The following ILK variants were observed in gnomAD, a reference collection of about 807,000 sequenced individuals.
The protein encoded by ILK is scaffold protein ILK.
ILK carries 37 observed loss-of-function variants against 57.8 expected under a neutral mutation model. The observed-to-expected ratio is 0.64, with a 90% CI of 0.49 to 0.84. The LOEUF (loss-of-function observed/expected upper bound fraction) is 0.84, where lower values mean the gene tolerates loss of function less well. Among genes scored for constraint, ILK ranks in the 40% least tolerant of loss-of-function variants. ILK has a pLI of 0.00. For synonymous variants in ILK, 231 were observed against 202.2 expected (o/e 1.14, Z -1.21); for missense variants, 528 against 595.7 (o/e 0.89, Z 1.18).
rs531302822 is a variant in ILK, at chr11:6,606,666, A to G, written c.90-1380A>G. 3.9e-5 allele frequency: 6 copies of G among 152,376 alleles called. No homozygotes were observed. The East Asian group carries it at 1.2e-3, about 29-fold the overall frequency. The allele number at this position is 152,376 out of a possible 1,614,324, so 9.4% of individuals were successfully genotyped here. ...GTGGTGCTGGTTTGAGGAGTAAAGT[A>G]TGGGGGCCAAAGTTGGCTATATGCT... On this transcript the variant is annotated intron_variant, in intron 2 of 12. Transcript: ENST00000299421.
chr11:6,604,281 A>G lies in ILK; in HGVS notation c.10A>G (p.Ile4Val), dbSNP rs775806437. 1.2e-6 allele frequency: 2 copies of G among 1,612,244 alleles called. No homozygotes were observed. Among genetic ancestry groups the G allele is most frequent in the Non-Finnish European group, 1.7e-6 (2 of 1,179,620 alleles). MDD[I>V]FTQCREGNAV... ...GCGCCGGGACGCTGCTATGGACGAC[A>G]TTTTCACTCAGTGCCGGGAGGGCAA... The change falls in exon 2 of 13, where the codon ATT becomes GTT. Residue 4 changes from isoleucine to valine, a missense_variant. By Grantham distance (29) the Ile-to-Val change is conservative. Transcript: ENST00000299421.
Position 6,609,179 on chromosome 11 carries a change from T to C in ILK, c.618+23T>C, listed in dbSNP as rs11826498. 376,277 of 1,606,824 alleles carry C rather than the reference T, an allele frequency of 0.23. 46,881 individuals carry two copies. The highest frequency in any genetic ancestry group is 0.26 in the Non-Finnish European group (302,493 of 1,173,506). On this transcript the variant is annotated intron_variant, in intron 7 of 12. Coordinates refer to ENST00000299421, the MANE Select transcript of ILK (RefSeq NM_004517.4). ...GAGGTGACCCCTGCCCTTCTTGCCCTTCCCTCACTAAACCCCCATAAATTA... is the reference window on the plus strand; with the variant it reads ...GAGGTGACCCCTGCCCTTCTTGCCCCTCCCTCACTAAACCCCCATAAATTA...
intron 12 of ILK, 92 bp downstream of exon 12, chr11:6,610,370 C>T (rs1037431046): frequency 4.6e-5 from 74 of 1,612,306 alleles, no homozygotes; most frequent in East Asian, 2.2e-4. Flanking sequence ...CATATTTGTT[C>T]GGATATACAG....
intron 2 of ILK, among the ~76,000 whole-genome samples, chr11:6,606,078 CAGG>C (rs1275418443): frequency 6.6e-6 from 1 of 152,178 alleles, no homozygotes; most frequent in African/African-American, 2.4e-5. Context: ...GAGGCTGAGG[CAGG>C]AGAACTGCTT....
At chr11:6,607,886 G>A (rs764048275) in intron 2 of ILK, 160 bp from the exon 3 acceptor site, 24 of 693,792 alleles carry the variant, frequency 3.5e-5, no homozygotes, top group Middle Eastern at 3.9e-4. Flanking sequence ...CTCAGGGGAA[G>A]GTCTGAAATG....
At chr11:6,604,091 C>T in intron 1 of ILK, 89 bp from the exon 2 acceptor site, 1 of 657,064 alleles carries the variant, frequency 1.5e-6, no homozygotes, top group Non-Finnish European at 2.7e-6. Context: ...AGGGATCATC[C>T]CGCAGCCCCG....
At chr11:6,604,428 C>A in intron 2 of ILK, 68 bp downstream of exon 2, 2 of 1,395,344 alleles carry the variant, frequency 1.4e-6, no homozygotes, top group Admixed American at 2.0e-5. Flanking sequence ...GTGGAGTGCT[C>A]ATGTCTGGTG....
Position 6,608,706 on chromosome 11 carries a change from A to T in ILK, c.364A>T (p.Asn122Tyr), listed in dbSNP as rs1368347084. 3.1e-6 allele frequency: 5 copies of T among 1,613,900 alleles called. No homozygotes were observed. Among genetic ancestry groups the T allele is most frequent in the Non-Finnish European group, 4.2e-6 (5 of 1,179,908 alleles). The change falls in exon 5 of 13, where the codon AAT (asparagine) becomes TAT (tyrosine). Residue 122 changes from asparagine (N) to tyrosine (Y), a missense_variant. Transcript: ENST00000299421. This position sits in a 1 kb window ranked among gnomAD's most constrained non-coding sequence, Gnocchi z 4.9. The part of the protein sequence containing the change: ...QDQVAEDLVA[N>Y]GALVSICNKY... ...CTTTTCATTCCAGGACCTGGTGGCAAATGGGGCCCTTGTCAGCATCTGTAA... is the reference window on the plus strand; with the variant it reads ...CTTTTCATTCCAGGACCTGGTGGCATATGGGGCCCTTGTCAGCATCTGTAA...
Position 6,610,031 on chromosome 11 carries a change from C to T in ILK, c.1074C>T (p.Pro358=), listed in dbSNP as rs1370717210. 9 of 1,614,108 alleles carry T rather than the reference C, an allele frequency of 5.6e-6. No individual in the cohort carries two copies. The highest frequency in any genetic ancestry group is 2.2e-5 in the East Asian group (1 of 44,880). ...TGTATGCACCTGCCTGGGTAGCCCCCGAAGGTGAGTGAAGTCATCATGTCG... is the reference window on the plus strand; with the variant it reads ...TGTATGCACCTGCCTGGGTAGCCCCTGAAGGTGAGTGAAGTCATCATGTCG... ...GRMYAPAWVA[P]EALQKKPEDT... The change falls in exon 11 of 13, where the codon CCC becomes CCT. Residue 358 remains proline (P), a synonymous_variant. Coordinates refer to ENST00000299421, the MANE Select transcript of ILK (RefSeq NM_004517.4).
At position 6,610,023 on chromosome 11, in the gene ILK, G is replaced by A. The variant is rs199558648; in HGVS notation, c.1066G>A (p.Val356Ile). The A allele has an allele frequency of 4.0e-5, 64 of 1,614,042 alleles. No individual in the cohort carries two copies. The highest frequency in any genetic ancestry group is 1.7e-5 in the Admixed American group (1 of 60,008). The change falls in exon 11 of 13, where the codon GTA becomes ATA. Residue 356 changes from valine (V) to isoleucine (I), a missense_variant. Physicochemically the swap from Val to Ile is conservative, Grantham distance 29. Coordinates refer to ENST00000299421, the MANE Select transcript of ILK (RefSeq NM_004517.4). ...TGGTCGCATGTATGCACCTGCCTGG[G>A]TAGCCCCCGAAGGTGAGTGAAGTCA... ...CPGRMYAPAW[V>I]APEALQKKPE...
Position 6,604,347 on chromosome 11 carries a change from G to A in ILK, c.76G>A (p.Asp26Asn). 1 of 1,609,898 alleles carries A rather than the reference G, an allele frequency of 6.2e-7. No homozygotes were observed. Among genetic ancestry groups the A allele is most frequent in the Non-Finnish European group, 8.5e-7 (1 of 1,178,278 alleles). ...CCTGTGGCTGGACAACACGGAGAAC[G>A]ACCTCAACCAGGGGTGAGCTGAAAC... ...VRLWLDNTEN[D>N]LNQGDDHGFS... is the part of the protein sequence containing the mutation. The change falls in exon 2 of 13, where the codon GAC becomes AAC. Residue 26 changes from aspartate to asparagine, a missense_variant. Transcript: ENST00000299421.
chr11:6,604,459 C>A, intron 2 of ILK, 99 bp downstream of exon 2: 1 of 1,069,148 alleles, frequency 9.4e-7, no homozygotes, highest in Non-Finnish European at 1.4e-6. Context: ...CCTTTGCTAG[C>A]CAGTGTAATG....
rs1036344877 is a variant in ILK, at chr11:6,608,559, A to T, written c.351+70A>T. 1 of 1,402,614 alleles carries T rather than the reference A, an allele frequency of 7.1e-7. No homozygotes were observed. The highest frequency in any genetic ancestry group is 2.3e-5 in the East Asian group (1 of 43,938). 86.9% of individuals were successfully genotyped at this position (1,402,614 alleles called of 1,614,324 possible). On this transcript the variant is annotated intron_variant, in intron 4 of 12. Transcript: ENST00000299421. This position sits in a 1 kb window ranked among gnomAD's most constrained non-coding sequence, Gnocchi z 4.9. ...TCTGAGCCTTGGTGGGAGATTTTGG[A>T]ACCCTCAACCCATTCTGTCAGTACT...
chr11:6,609,287 C>T lies in ILK; in HGVS notation c.619-12C>T. 1.2e-6 allele frequency: 2 copies of T among 1,613,022 alleles called. No individual in the cohort carries two copies. The highest frequency in any genetic ancestry group is 1.3e-5 in the African/African-American group (1 of 75,038). On this transcript the variant is annotated splice_polypyrimidine_tract_variant and intron_variant, in intron 7 of 12. Coordinates refer to ENST00000299421, the MANE Select transcript of ILK (RefSeq NM_004517.4). ...AACATTTCAAGCCTCCTAACCCCTACCTGTCCTGCAGCTATGGAAGGGCCG... is the reference window on the plus strand; with the variant it reads ...AACATTTCAAGCCTCCTAACCCCTATCTGTCCTGCAGCTATGGAAGGGCCG...
chr11:6,607,754 G>A (rs939849215), intron 2 of ILK: 2 of 451,716 alleles, frequency 4.4e-6, no homozygotes, highest in Admixed American at 7.0e-5. Flanking sequence ...TGCAGAAGGG[G>A]TGCAAGAGAA....
chr11:6,605,488 A>G (rs567977549), intron 2 of ILK, among the ~76,000 whole-genome samples: 1 of 151,466 alleles, frequency 6.6e-6, no homozygotes, highest in Admixed American at 6.6e-5. Flanking sequence ...TAATATTTTA[A>G]AGTAGCCATT....
intron 2 of ILK, chr11:6,604,659 A>T (rs1055149938): frequency 3.0e-5 from 16 of 526,172 alleles, no homozygotes; most frequent in South Asian, 3.0e-4. Flanking sequence ...CTGGAGTTCC[A>T]TATGGCTGGA....
chr11:6,607,854 A>C, intron 2 of ILK, 192 bp from the exon 3 acceptor site: 2 of 604,924 alleles, frequency 3.3e-6, no homozygotes, highest in Admixed American at 2.9e-5. Flanking sequence ...TGAGATATCT[A>C]GGTGGTTGGT....
rs1375799547 is a variant in ILK at position 6,608,967 on chromosome 11, C to T, written c.532C>T (p.Arg178Ter). 10 of 1,614,088 alleles carry T rather than the reference C, an allele frequency of 6.2e-6. No homozygotes were observed. The highest frequency in any genetic ancestry group is 2.2e-5 in the East Asian group (1 of 44,890). ...FWKGTTRTRP[R>*]NGTLNKHSGI... ...GAAGGGGACCACCCGCACTCGGCCC[C>T]GTGAGTCACCACTGTGGGAAGAAGG... The change falls in exon 6 of 13, where the codon CGA (arginine) becomes TGA (stop). Residue 178 changes from arginine to a stop codon, truncating the protein, a stop_gained and splice_region_variant. Coordinates refer to ENST00000299421, the MANE Select transcript of ILK (RefSeq NM_004517.4). LOFTEE classifies it high-confidence loss of function. This position sits in a 1 kb window ranked among gnomAD's most constrained non-coding sequence, Gnocchi z 4.9.
Sources: allele counts gnomAD v4.1 joint callset (sites outside exome capture counted in the v4.1 genomes callset), GRCh38; gene constraint gnomAD v4.1.1; non-coding constraint Gnocchi (gnomAD v3.1); transcripts MANE v1.5; gene names NCBI Gene and HGNC (gene_info 2026-07-23, HGNC 2026-07-21).